The following ASH1L variants were observed in gnomAD, a reference collection of about 807,000 sequenced individuals.
ASH1L encodes the protein histone-lysine N-methyltransferase ASH1L.
A neutral mutation model predicts 269.0 loss-of-function variants in ASH1L; 23 were observed. The ratio of observed to expected loss-of-function variants is 0.09; its 90% CI spans 0.06 to 0.12. The LOEUF is 0.12. Among genes scored for constraint, ASH1L ranks in the 10% least tolerant of loss-of-function variants. ASH1L has a pLI of 1.00. For missense variants in ASH1L, 2,912 were observed against 3,567.8 expected (o/e 0.82, Z 4.68); for synonymous variants, 1,187 against 1,253.5 (o/e 0.95, Z 1.12).
Position 155,562,196 on chromosome 1 carries a change from G to C in ASH1L, c.-143C>G, listed in dbSNP as rs1384806653. The C allele has an allele frequency of 6.2e-7, 1 of 1,607,600 alleles. No homozygotes were observed. On this transcript the variant is annotated 5_prime_UTR_variant, in exon 1 of 28. Transcript: ENST00000392403. ...CGAGGCCGAGAGCGATGAGAGTGCA[G>C]GGAAGTGGGGAAGAGGGGGTGGCCG...
intron 19 of ASH1L, among the ~76,000 whole-genome samples, chr1:155,348,463 C>T (rs909449619): frequency 1.6e-4 from 24 of 152,010 alleles, no homozygotes; most frequent in African/African-American, 4.8e-4. Flanking sequence ...TGAATAATTT[C>T]CTCTCTTCTA....
chr1:155,385,410 C>T (rs191577896), intron 7 of ASH1L, among the ~76,000 whole-genome samples: 56 of 152,182 alleles, frequency 3.7e-4, no homozygotes, highest in Non-Finnish European at 6.3e-4. Flanking sequence ...TGCCACTGCA[C>T]TCCAGACTGG....
At chr1:155,394,093 G>A (rs112680448) in intron 7 of ASH1L, among the ~76,000 whole-genome samples, 6 of 152,202 alleles carry the variant, frequency 3.9e-5, no homozygotes, top group African/African-American at 7.2e-5. Flanking sequence ...AAAATAAATC[G>A]TATTGAAGCT....
intron 1 of ASH1L, among the ~76,000 whole-genome samples, chr1:155,524,361 A>T (rs997854394): frequency 6.6e-6 from 1 of 151,932 alleles, no homozygotes; most frequent in Non-Finnish European, 1.5e-5. Context: ...CTTTTAAAAA[A>T]AAATACAAAA....
At chr1:155,506,020 GAT>G (rs1218289840) in intron 2 of ASH1L, among the ~76,000 whole-genome samples, 7 of 150,968 alleles carry the variant, frequency 4.6e-5, no homozygotes, top group Non-Finnish European at 8.8e-5. Flanking sequence ...CCCGATGTGT[GAT>G]GTTTCCCACC....
At chr1:155,457,687 A>T (rs1182658106) in intron 4 of ASH1L, among the ~76,000 whole-genome samples, 1 of 152,160 alleles carries the variant, frequency 6.6e-6, no homozygotes, top group Non-Finnish European at 1.5e-5. Flanking sequence ...GAGGGCAGTA[A>T]CTCAATCTTA....
intron 2 of ASH1L, among the ~76,000 whole-genome samples, chr1:155,500,013 T>A (rs948675221): frequency 6.6e-6 from 1 of 152,248 alleles, no homozygotes; most frequent in Non-Finnish European, 1.5e-5. Flanking sequence ...TCCTACTACA[T>A]AATGAAAGCA....
chr1:155,484,981 C>T (rs1445927648), intron 2 of ASH1L, among the ~76,000 whole-genome samples: 3 of 144,102 alleles, frequency 2.1e-5, no homozygotes, highest in African/African-American at 7.7e-5. Context: ...ACCAACCACC[C>T]GGTGCAGTGG....
chr1:155,509,516 G>A (rs1437954648), intron 2 of ASH1L, among the ~76,000 whole-genome samples: 1 of 152,190 alleles, frequency 6.6e-6, no homozygotes, highest in Non-Finnish European at 1.5e-5. Flanking sequence ...ATAGTGTTGA[G>A]GCCGGGCTTG....
At chr1:155,540,657 T>C (rs1032057336) in intron 1 of ASH1L, among the ~76,000 whole-genome samples, 1 of 152,114 alleles carries the variant, frequency 6.6e-6, no homozygotes, top group Non-Finnish European at 1.5e-5. Flanking sequence ...TAGTCCCAGC[T>C]ACTTGGGAGG....
intron 2 of ASH1L, among the ~76,000 whole-genome samples, chr1:155,506,978 T>A (rs1013874002): frequency 3.9e-5 from 6 of 152,014 alleles, no homozygotes; most frequent in African/African-American, 1.4e-4. Flanking sequence ...AAAGTAATAA[T>A]AATTCTCCAA....
chr1:155,410,555 T>TG (rs111638615), intron 6 of ASH1L, among the ~76,000 whole-genome samples: 48,267 of 151,994 alleles, frequency 0.32, 8,198 homozygotes, highest in East Asian at 0.73. Flanking sequence ...CTGCCTGCCT[T>TG]GCCTTCCAAA....
intron 3 of ASH1L, among the ~76,000 whole-genome samples, chr1:155,466,011 C>T (rs1006412597): frequency 6.6e-6 from 1 of 152,166 alleles, no homozygotes; most frequent in Non-Finnish European, 1.5e-5. Context: ...CAACTAAATG[C>T]ACTACAAGAG....
chr1:155,473,051 G>GT (rs1388136841), intron 3 of ASH1L, among the ~76,000 whole-genome samples: 1 of 152,152 alleles, frequency 6.6e-6, no homozygotes, highest in African/African-American at 2.4e-5. Context: ...AATAGCTCTT[G>GT]TATCATTGAT....
At chr1:155,488,591 C>T (rs1666502301) in intron 2 of ASH1L, among the ~76,000 whole-genome samples, 1 of 141,090 alleles carries the variant, frequency 7.1e-6, no homozygotes, top group Admixed American at 7.5e-5. Flanking sequence ...ATCACTTGAA[C>T]CCAGGAGGCG....
chr1:155,386,171 G>A (rs558493590), intron 7 of ASH1L, among the ~76,000 whole-genome samples: 10 of 151,506 alleles, frequency 6.6e-5, no homozygotes, highest in African/African-American at 1.2e-4. Flanking sequence ...GAGTTCAAGC[G>A]ATTCTCCCGC....
intron 2 of ASH1L, among the ~76,000 whole-genome samples, chr1:155,491,460 T>C (rs1000241358): frequency 2.6e-5 from 4 of 152,132 alleles, no homozygotes; most frequent in Admixed American, 2.6e-4. Flanking sequence ...CACATATTCC[T>C]TACAACCACC....
chr1:155,350,683 G>C (rs530604769), intron 17 of ASH1L, among the ~76,000 whole-genome samples: 2 of 152,270 alleles, frequency 1.3e-5, no homozygotes, highest in Admixed American at 6.5e-5. Context: ...AGCACTTTGA[G>C]AGGTCAAGGC....
In ASH1L at chr1:155,405,083, C is replaced by T. The variant is rs1176226305; in HGVS notation, c.6009-9530G>A. On this transcript the variant is annotated intron_variant, in intron 6 of 27. Coordinates refer to ENST00000392403, the MANE Select transcript of ASH1L (RefSeq NM_018489.3). ...AAAAATAAAAATAAAAAATCCAATTCCAATTACAACAATTACAATAGCAGT... is the reference window on the plus strand; with the variant it reads ...AAAAATAAAAATAAAAAATCCAATTTCAATTACAACAATTACAATAGCAGT... Among the ~76,000 whole-genome samples, 3 of 151,480 alleles carry T rather than the reference C, an allele frequency of 2.0e-5. No homozygotes were observed. The South Asian group carries it at 6.3e-4, about 32-fold the overall frequency.
Sources: allele counts gnomAD v4.1 joint callset (sites outside exome capture counted in the v4.1 genomes callset), GRCh38; gene constraint gnomAD v4.1.1; transcripts MANE v1.5; gene names NCBI Gene and HGNC (gene_info 2026-07-23, HGNC 2026-07-21).